Variants in LRRC53 observed in about 807,000 individuals in gnomAD.
The protein encoded by LRRC53 is leucine rich repeat containing 53.
Under a neutral mutation model 13.6 loss-of-function variants are expected in LRRC53, and 25 were observed. The ratio of observed to expected loss-of-function variants is 1.83; its 90% CI spans 1.34 to 2.56. The LOEUF is 2.56. Among genes scored for constraint, LRRC53 ranks in the 30% most tolerant of loss-of-function variants. The pLI is 0.00. For missense variants in LRRC53, 527 were observed against 275.8 expected, an observed-to-expected ratio of 1.91 and a Z score of -6.45; for synonymous variants, 204 against 109.8, an observed-to-expected ratio of 1.86 and a Z score of -5.37.
chr1:74,486,201 A>AAGAGAGAGAGAGAGAGAGAG lies in LRRC53; in HGVS notation c.-26-2846_-26-2827dup, dbSNP rs58506314. On this transcript the variant is annotated intron_variant, in intron 1 of 4. Transcript: ENST00000294635. ...GTCTACCCTCAGGCTAAATGCTATAAAGAGAGAGAGAGAGAGAGAGAGAGA... is the reference window on the plus strand; with the variant it reads ...GTCTACCCTCAGGCTAAATGCTATAAAGAGAGAGAGAGAGAGAGAGAGAGAGAGAGAGAGAGAGAGAGAGA... 5.2e-3 allele frequency among the ~76,000 whole-genome samples: 711 copies of AAGAGAGAGAGAGAGAGAGAG among 136,446 alleles called. 4 individuals are homozygous for AAGAGAGAGAGAGAGAGAGAG. Among genetic ancestry groups the AAGAGAGAGAGAGAGAGAGAG allele is most frequent in the African/African-American group, 0.011 (407 of 38,078 alleles). The allele number at this position is 136,446 out of a possible 152,430, so 89.5% of individuals were successfully genotyped here.
rs986535262 is a variant in LRRC53, at chr1:74,475,576, T to C, written c.1139A>G (p.Gln380Arg). Residue 380 changes from glutamine to arginine, a missense_variant, in exon 4 of 5, where the codon CAG becomes CGG. Gln to Arg is a conservative substitution (Grantham distance 43). Transcript: ENST00000294635. ...CGATGTTGCTTGATGGCTATTTTCCTGTAAAAGTGGCATTTCTTTTCTGGA... is the reference window on the plus strand; with the variant it reads ...CGATGTTGCTTGATGGCTATTTTCCCGTAAAAGTGGCATTTCTTTTCTGGA... ...VGSRKEMPLLQENSHQATSAS... is the reference protein window; with the variant it reads ...VGSRKEMPLLRENSHQATSAS... 4.2e-6 allele frequency: 3 copies of C among 717,416 alleles called. No homozygotes were observed. Among genetic ancestry groups the C allele is most frequent in the Non-Finnish European group, 7.8e-6 (3 of 384,958 alleles). 44.4% of individuals were successfully genotyped at this position (717,416 alleles called of 1,614,324 possible).
chr1:74,484,915 A>T (rs760920139), intron 1 of LRRC53, among the ~76,000 whole-genome samples: 11 of 152,186 alleles, frequency 7.2e-5, no homozygotes, highest in African/African-American at 2.4e-4. Context: ...AAGTAGCAAA[A>T]ATAGGAGGCA....
At chr1:74,494,123 C>T (rs182488479) in intron 1 of LRRC53, among the ~76,000 whole-genome samples, 2 of 152,188 alleles carry the variant, frequency 1.3e-5, no homozygotes, top group East Asian at 1.9e-4. Flanking sequence ...AATCTTTCTC[C>T]GTCCACGTGA....
chr1:74,526,237 G>A, the LRRC53 span, among the ~76,000 whole-genome samples: 1 of 152,052 alleles, frequency 6.6e-6, no homozygotes, highest in South Asian at 2.1e-4. Flanking sequence ...ACACAAAGGA[G>A]CCCAGAGATC....
At chr1:74,475,236 G>C (rs776793318) in intron 4 of LRRC53, 59 bp downstream of exon 4, 5 of 611,172 alleles carry the variant, frequency 8.2e-6, no homozygotes, top group Non-Finnish European at 1.5e-5. Context: ...AAGGAGGGAG[G>C]CTCCCTCCTT....
the LRRC53 span, among the ~76,000 whole-genome samples, chr1:74,518,694 T>G: frequency 6.6e-6 from 1 of 152,150 alleles, no homozygotes; most frequent in East Asian, 1.9e-4. Flanking sequence ...TTTTTTAAGC[T>G]CAAAATTATT....
At position 74,471,440 on chromosome 1, in the gene LRRC53, T is replaced by C. The variant is rs1432044761; in HGVS notation, c.2182A>G (p.Arg728Gly). The change falls in exon 5 of 5, where the codon AGA (arginine) becomes GGA (glycine). Residue 728 changes from arginine (R) to glycine (G), a missense_variant. Arg to Gly is a moderately radical substitution (Grantham distance 125). Coordinates refer to ENST00000294635, the MANE Select transcript of LRRC53 (RefSeq NM_001382280.1). ...KLNLHPFRKV[R>G]VHPEKSLSSL... ...GACAAGGATTTTTCTGGATGGACTC[T>C]GACTTTTCTAAAAGGATGTAAATTT... 1.2e-5 allele frequency: 5 copies of C among 400,618 alleles called. No individual in the cohort carries two copies. Among genetic ancestry groups the C allele is most frequent in the Non-Finnish European group, 2.2e-5 (5 of 226,172 alleles). The allele number at this position is 400,618 out of a possible 1,614,324, so 24.8% of individuals were successfully genotyped here. A position where few individuals can be genotyped will look rare whatever the true frequency, so the allele number is the denominator to read the frequency against.
chr1:74,533,096 A>T, the LRRC53 span, among the ~76,000 whole-genome samples: 2 of 152,250 alleles, frequency 1.3e-5, no homozygotes, highest in Non-Finnish European at 2.9e-5. Context: ...GCTTCTGCAC[A>T]GCAAAAGAAA....
the LRRC53 span, among the ~76,000 whole-genome samples, chr1:74,521,516 G>GTA: frequency 0.034 from 5,141 of 150,564 alleles, 269 homozygotes; most frequent in African/African-American, 0.12. Context: ...GTGTGTATGT[G>GTA]TATATATATA....
In LRRC53 at chr1:74,471,201, G is replaced by A; in HGVS notation, c.2421C>T (p.Pro807=). ...PYYQRNTKRA[P]LLSANNLRVV... ...CACGCAAGTTGTTAGCACTGAGCAG[G>A]GGGGCACGTTTAGTGTTTCGTTGAT... Residue 807 remains proline, a synonymous_variant, in exon 5 of 5, where the codon CCC becomes CCT. Transcript: ENST00000294635. 1 of 400,676 alleles carries A rather than the reference G, an allele frequency of 2.5e-6. No homozygotes were observed. The highest frequency in any genetic ancestry group is 4.4e-6 in the Non-Finnish European group (1 of 226,198). The allele number at this position is 400,676 out of a possible 1,614,324, so 24.8% of individuals were successfully genotyped here.
upstream of LRRC53, among the ~76,000 whole-genome samples, chr1:74,516,779 A>G (rs1483392851): frequency 6.6e-6 from 1 of 152,168 alleles, no homozygotes; most frequent in African/African-American, 2.4e-5. Context: ...TCATATAGCC[A>G]CATTTCCCCA....
At chr1:74,473,166 G>A (rs1170848786) in intron 4 of LRRC53, among the ~76,000 whole-genome samples, 5 of 152,120 alleles carry the variant, frequency 3.3e-5, no homozygotes, top group Non-Finnish European at 7.4e-5. Context: ...TGCTCATAAT[G>A]TACGTTCATC....
chr1:74,495,704 C>T (rs184303873), intron 1 of LRRC53, among the ~76,000 whole-genome samples: 6 of 152,210 alleles, frequency 3.9e-5, no homozygotes, highest in Non-Finnish European at 8.8e-5. Flanking sequence ...AGTAAGTAAG[C>T]AAAGCTGGAA....
chr1:74,473,136 A>C (rs984603358), intron 4 of LRRC53, among the ~76,000 whole-genome samples: 2 of 152,154 alleles, frequency 1.3e-5, no homozygotes, highest in Non-Finnish European at 2.9e-5. Flanking sequence ...AATTGAGCAC[A>C]TGCTAAGAGC....
At chr1:74,477,767 T>G (rs555014695) in intron 3 of LRRC53, among the ~76,000 whole-genome samples, 1 of 152,302 alleles carries the variant, frequency 6.6e-6, no homozygotes, top group South Asian at 2.1e-4. Flanking sequence ...AAATGAAGCT[T>G]GTAGGCAGGC....
At chr1:74,523,184 G>A in the LRRC53 span, among the ~76,000 whole-genome samples, 13 of 152,204 alleles carry the variant, frequency 8.5e-5, no homozygotes, top group South Asian at 2.1e-4. Flanking sequence ...TAATAATACC[G>A]ATACCACACA....
chr1:74,496,737 G>A (rs186107458), intron 1 of LRRC53, among the ~76,000 whole-genome samples: 3 of 152,182 alleles, frequency 2.0e-5, no homozygotes, highest in Admixed American at 2.0e-4. Context: ...ATTGAGAAAG[G>A]CACTCTTGAA....
At chr1:74,514,799 CA>C (rs1224831645), upstream of LRRC53, among the ~76,000 whole-genome samples, 1 of 152,020 alleles carries the variant, frequency 6.6e-6, no homozygotes, top group Non-Finnish European at 1.5e-5. Context: ...TTGTATCCCC[CA>C]AAAAGATATG....
chr1:74,503,548 C>A (rs890741342), intron 1 of LRRC53, among the ~76,000 whole-genome samples: 7 of 152,064 alleles, frequency 4.6e-5, no homozygotes, highest in African/African-American at 1.7e-4. Context: ...ATGAGGAGAA[C>A]AAGATGTTGC....
Sources: gnomAD v4.1 joint callset for allele counts (sites outside exome capture counted in the v4.1 genomes callset) on GRCh38, gnomAD v4.1.1 for gene constraint, MANE v1.5 for transcripts, NCBI Gene and HGNC (gene_info 2026-07-23, HGNC 2026-07-21) for gene names.